The following CREB3L2 variants were observed in gnomAD, a reference collection of about 807,000 sequenced individuals.
CREB3L2 encodes the protein cAMP responsive element binding protein 3 like 2.
A neutral mutation model predicts 57.2 loss-of-function variants in CREB3L2; 23 were observed. That is an observed-to-expected ratio of 0.40 (90% confidence interval 0.29 to 0.57). The LOEUF is 0.57. Ranked by LOEUF, CREB3L2 falls within the 20% of genes least tolerant of loss-of-function variation. The pLI, the probability that CREB3L2 is intolerant of heterozygous loss-of-function variation, is 0.42. For missense variants in CREB3L2, 628 were observed against 634.7 expected, an observed-to-expected ratio of 0.99 and a Z score of 0.11; for synonymous variants, 268 against 265.1, an observed-to-expected ratio of 1.01 and a Z score of -0.11.
At chr7:137,897,692 A>C (rs1349715294) in intron 8 of CREB3L2, among the ~76,000 whole-genome samples, 1 of 152,224 alleles carries the variant, frequency 6.6e-6, no homozygotes, top group Non-Finnish European at 1.5e-5. Flanking sequence ...GGTGAGTCAA[A>C]GATCCTGTAG....
At chr7:137,897,199 T>C (rs1276471526) in intron 8 of CREB3L2, among the ~76,000 whole-genome samples, 1 of 152,232 alleles carries the variant, frequency 6.6e-6, no homozygotes. Context: ...AATCGTTACA[T>C]TGTATACTGT....
At chr7:137,912,895 G>C (rs942529181) in intron 4 of CREB3L2, 96 bp downstream of exon 4, 51 of 1,563,466 alleles carry the variant, frequency 3.3e-5, no homozygotes, top group Non-Finnish European at 4.3e-5. Flanking sequence ...CAACATCTGT[G>C]GTACAAACTC....
At chr7:137,909,789 T>A (rs1799969013) in intron 4 of CREB3L2, among the ~76,000 whole-genome samples, 1 of 152,112 alleles carries the variant, frequency 6.6e-6, no homozygotes, top group South Asian at 2.1e-4. Flanking sequence ...CCCACCCAAA[T>A]CTCATCTTGA....
chr7:137,903,662 G>A (rs1392713793), intron 7 of CREB3L2, among the ~76,000 whole-genome samples: 3 of 152,232 alleles, frequency 2.0e-5, no homozygotes, highest in Admixed American at 2.0e-4. Context: ...TTCCAGGAAT[G>A]TGCAGGAATG....
At chr7:137,928,505 T>C in intron 1 of CREB3L2, 139 bp from the exon 2 acceptor site, 2 of 710,722 alleles carry the variant, frequency 2.8e-6, no homozygotes, top group South Asian at 3.2e-5. Flanking sequence ...GCTCGTGCTG[T>C]GTAGCAAACC....
rs979234976 is a variant in CREB3L2 at position 137,932,601 on chromosome 7, A to C, written c.103-4235T>G. ...TAAACAACAACAACAACAACAACAAAAAACTCACACCACCAGTCCTTCTAT... is the reference window on the plus strand; with the variant it reads ...TAAACAACAACAACAACAACAACAACAAACTCACACCACCAGTCCTTCTAT... On this transcript the variant is annotated intron_variant, in intron 1 of 11. Coordinates refer to ENST00000330387, the MANE Select transcript of CREB3L2 (RefSeq NM_194071.4). 5.3e-5 allele frequency among the ~76,000 whole-genome samples: 8 copies of C among 152,112 alleles called. No individual in the cohort carries two copies. The East Asian group carries it at 5.8e-4, about 11-fold the overall frequency.
At chr7:137,903,714 C>T (rs759658265) in intron 7 of CREB3L2, among the ~76,000 whole-genome samples, 3 of 152,168 alleles carry the variant, frequency 2.0e-5, no homozygotes, top group Admixed American at 6.5e-5. Context: ...GTGAGGACTC[C>T]GGGGTCCTTG....
At chr7:137,892,132 G>A (rs972427006) in intron 8 of CREB3L2, among the ~76,000 whole-genome samples, 4 of 152,102 alleles carry the variant, frequency 2.6e-5, no homozygotes, top group Admixed American at 2.0e-4. Flanking sequence ...ACTGATATAT[G>A]TTTTTAATGA....
In CREB3L2 at chr7:137,875,450, G is replaced by A. The variant is rs1799126599; in HGVS notation, c.*5026C>T. 4.5e-6 allele frequency: 1 copy of A among 222,440 alleles called. No homozygotes were observed. The highest frequency in any genetic ancestry group is 5.8e-5 in the Admixed American group (1 of 17,372). 13.8% of individuals were successfully genotyped at this position (222,440 alleles called of 1,614,324 possible). ...CACTCAGCTGGTGAGCGAAGGATGG[G>A]AGCAGAGAACAGAGCTAAAACCCCT... On this transcript the variant is annotated 3_prime_UTR_variant, in exon 12 of 12. Transcript: ENST00000330387.
intron 3 of CREB3L2, among the ~76,000 whole-genome samples, chr7:137,913,977 C>T (rs961805265): frequency 6.6e-6 from 1 of 151,996 alleles, no homozygotes; most frequent in African/African-American, 2.4e-5. Context: ...CTGCCTGCAA[C>T]GTAAAGCAGC....
At chr7:137,961,585 T>C (rs778680026) in intron 1 of CREB3L2, among the ~76,000 whole-genome samples, 1 of 152,132 alleles carries the variant, frequency 6.6e-6, no homozygotes, top group Admixed American at 6.5e-5. Context: ...CCTCAACTCT[T>C]CCTGTCATTT....
chr7:137,972,736 TAGAGAGAGAGAGAGAGAGAGAGAGAGAG>T (rs564670456), intron 1 of CREB3L2, among the ~76,000 whole-genome samples: 241 of 22,334 alleles, frequency 0.011, 17 homozygotes, highest in Non-Finnish European at 0.012. Flanking sequence ...TATATATATA[TAGAGAGAGAGAGAGAGAGAGAGAGAGAG>T]AGAGAGAAAA....
chr7:137,892,812 C>CAGCT (rs1799551236), intron 8 of CREB3L2, among the ~76,000 whole-genome samples: 1 of 152,026 alleles, frequency 6.6e-6, no homozygotes, highest in African/African-American at 2.4e-5. Context: ...GGGTGTCCAA[C>CAGCT]AGCTGAAACC....
At chr7:137,957,730 T>C (rs1801243876) in intron 1 of CREB3L2, 1 of 1,283,714 alleles carries the variant, frequency 7.8e-7, no homozygotes, top group Non-Finnish European at 1.0e-6. Context: ...TTCACAAGTT[T>C]TCTTCAAAGA....
chr7:137,997,565 A>G (rs1585685661), intron 1 of CREB3L2, among the ~76,000 whole-genome samples: 2 of 151,964 alleles, frequency 1.3e-5, no homozygotes, highest in East Asian at 3.9e-4. Flanking sequence ...TACCAAAAAA[A>G]AAGAAGAAAA....
chr7:137,914,369 C>T (rs1324578181), intron 3 of CREB3L2, among the ~76,000 whole-genome samples: 3 of 152,084 alleles, frequency 2.0e-5, no homozygotes, highest in Non-Finnish European at 2.9e-5. Flanking sequence ...ATGTGGCTCA[C>T]GCCTGTAATC....
intron 1 of CREB3L2, among the ~76,000 whole-genome samples, chr7:137,966,797 G>A (rs750871648): frequency 1.3e-5 from 2 of 152,108 alleles, no homozygotes; most frequent in Non-Finnish European, 2.9e-5. Flanking sequence ...CATATAATAC[G>A]CAGGAGCCGC....
At chr7:137,929,605 G>A (rs936720099) in intron 1 of CREB3L2, among the ~76,000 whole-genome samples, 2 of 151,638 alleles carry the variant, frequency 1.3e-5, no homozygotes, top group African/African-American at 2.4e-5. Context: ...GCTCATGCTT[G>A]TAATCCCAGG....
At chr7:137,901,823 G>A (rs1799764333) in intron 7 of CREB3L2, among the ~76,000 whole-genome samples, 2 of 132,120 alleles carry the variant, frequency 1.5e-5, no homozygotes, top group African/African-American at 5.8e-5. Flanking sequence ...ATGTTGCAGT[G>A]AGCCAAGATC....
Sources: gnomAD v4.1 joint callset for allele counts (sites outside exome capture counted in the v4.1 genomes callset) on GRCh38, gnomAD v4.1.1 for gene constraint, MANE v1.5 for transcripts, NCBI Gene and HGNC (gene_info 2026-07-23, HGNC 2026-07-21) for gene names.